Variants in DAB1 observed in about 807,000 individuals in gnomAD.
DAB1 encodes the protein disabled homolog 1.
DAB1 carries 15 observed loss-of-function variants against 64.6 expected under a neutral mutation model. That is an observed-to-expected ratio of 0.23 (90% CI 0.16 to 0.36). DAB1 has a LOEUF of 0.36. Ranked by LOEUF, DAB1 falls within the 10% of genes least tolerant of loss-of-function variation. The pLI, the probability that DAB1 is intolerant of heterozygous loss-of-function variation, is 1.00. For missense variants in DAB1, 596 were observed against 706.7 expected, an observed-to-expected ratio of 0.84 and a Z score of 1.78; for synonymous variants, 235 against 251.9, an observed-to-expected ratio of 0.93 and a Z score of 0.64.
chr1:57,316,459 A>G (rs1006552375), intron 1 of DAB1, among the ~76,000 whole-genome samples: 7 of 152,050 alleles, frequency 4.6e-5, no homozygotes, highest in Non-Finnish European at 8.8e-5. Flanking sequence ...TACCGGACAA[A>G]TGCCAGGCTA....
intron 6 of DAB1, among the ~76,000 whole-genome samples, chr1:57,705,503 T>C (rs1646956464): frequency 6.6e-6 from 1 of 152,148 alleles, no homozygotes; most frequent in South Asian, 2.1e-4. Context: ...CTCTTTTCTG[T>C]TGGATTAGGT....
intron 6 of DAB1, among the ~76,000 whole-genome samples, chr1:57,660,341 G>C (rs912919867): frequency 2.6e-5 from 4 of 152,168 alleles, no homozygotes; most frequent in Non-Finnish European, 5.9e-5. Context: ...TCTACTCTTA[G>C]TCAAAGGCTC....
intron 7 of DAB1, among the ~76,000 whole-genome samples, chr1:57,473,886 A>C (rs547083815): frequency 6.6e-6 from 1 of 152,292 alleles, no homozygotes; most frequent in Admixed American, 6.5e-5. Context: ...ATGTCTATTC[A>C]TTCTTAAAGA....
chr1:57,414,386 G>C (rs939249401), intron 1 of DAB1, among the ~76,000 whole-genome samples: 1 of 152,200 alleles, frequency 6.6e-6, no homozygotes, highest in African/African-American at 2.4e-5. Flanking sequence ...CTTGCTGAAG[G>C]CTCAGCTGAT....
intron 9 of DAB1, among the ~76,000 whole-genome samples, chr1:57,054,829 A>T (rs1225105357): frequency 2.0e-5 from 3 of 152,164 alleles, no homozygotes; most frequent in Admixed American, 6.5e-5. Flanking sequence ...CTGCCTAAAG[A>T]ACATGTCCAG....
chr1:57,815,907 T>TC (rs1475562595), intron 6 of DAB1, among the ~76,000 whole-genome samples: 1 of 152,220 alleles, frequency 6.6e-6, no homozygotes, highest in Non-Finnish European at 1.5e-5. Context: ...TTTTAATGTA[T>TC]CCTCCAGGCT....
At chr1:58,308,377 TG>T (rs1303378552) in intron 4 of DAB1, among the ~76,000 whole-genome samples, 1 of 152,020 alleles carries the variant, frequency 6.6e-6, no homozygotes, top group Non-Finnish European at 1.5e-5. Flanking sequence ...GGGATGAGTA[TG>T]GGGTTGGGGG....
intron 3 of DAB1, among the ~76,000 whole-genome samples, chr1:58,345,856 C>T (rs371574869): frequency 1.3e-5 from 2 of 152,136 alleles, no homozygotes; most frequent in South Asian, 2.1e-4. Flanking sequence ...CACCTCTGAC[C>T]TTAGGCTTCC....
At chr1:57,948,384 T>C (rs576941717) in intron 5 of DAB1, among the ~76,000 whole-genome samples, 4 of 152,382 alleles carry the variant, frequency 2.6e-5, no homozygotes, top group Non-Finnish European at 5.9e-5. Context: ...AAAATGTCTA[T>C]AGTATCTGTG....
chr1:58,307,469 A>G (rs1473192106), intron 4 of DAB1, among the ~76,000 whole-genome samples: 2 of 152,214 alleles, frequency 1.3e-5, no homozygotes. Context: ...GAGGACTGAT[A>G]TCTAACTCAG....
chr1:58,114,091 C>CA (rs530606878), intron 5 of DAB1, among the ~76,000 whole-genome samples: 1,599 of 109,940 alleles, frequency 0.015, 17 homozygotes, highest in Non-Finnish European at 0.016. Flanking sequence ...TACTAAAATA[C>CA]AAAAAAAAAA....
chr1:57,613,911 AG>A (rs1226647955), intron 7 of DAB1, among the ~76,000 whole-genome samples: 4 of 152,142 alleles, frequency 2.6e-5, no homozygotes, highest in Non-Finnish European at 5.9e-5. Flanking sequence ...TTGCTCTAGT[AG>A]AAAGGGGATA....
chr1:57,257,919 G>A (rs1205099937), intron 2 of DAB1, among the ~76,000 whole-genome samples: 1 of 152,110 alleles, frequency 6.6e-6, no homozygotes, highest in Non-Finnish European at 1.5e-5. Flanking sequence ...CATTTATTTA[G>A]GGCCTACCTG....
At chr1:57,187,272 T>C (rs1334002027) in intron 2 of DAB1, among the ~76,000 whole-genome samples, 4 of 152,174 alleles carry the variant, frequency 2.6e-5, no homozygotes, top group Non-Finnish European at 4.4e-5. Context: ...TAGGATCTCA[T>C]TGCATGATTT....
chr1:57,810,801 C>T (rs1651583011), intron 6 of DAB1, among the ~76,000 whole-genome samples: 1 of 152,216 alleles, frequency 6.6e-6, no homozygotes. Context: ...CTTTCTATTG[C>T]TGCTATAACA....
intron 2 of DAB1, among the ~76,000 whole-genome samples, chr1:57,285,447 A>C (rs566987405): frequency 1.3e-5 from 2 of 152,014 alleles, no homozygotes; most frequent in Admixed American, 1.3e-4. Flanking sequence ...GTATTTTTGT[A>C]TTTTTAGTAG....
chr1:57,264,446 C>G (rs1212501530), intron 2 of DAB1, among the ~76,000 whole-genome samples: 2 of 152,174 alleles, frequency 1.3e-5, no homozygotes, highest in African/African-American at 2.4e-5. Flanking sequence ...ATTCTGATAT[C>G]TTTCTAATCT....
At position 57,894,671 on chromosome 1, in the gene DAB1, A is replaced by C. The variant is rs560852145; in HGVS notation, n.388-10509T>G. On this transcript the variant is annotated intron_variant and non_coding_transcript_variant, in intron 5 of 20. Coordinates refer to the DAB1 transcript ENST00000485760. The stretch of plus-strand genomic sequence containing the variant: ...GAAAAAAAACTCGAAGGGTTTAAGC[A>C]GAAGTATCATATCTGATTTGCATTT... 9.8e-5 allele frequency among the ~76,000 whole-genome samples: 15 copies of C among 152,318 alleles called. No individual in the cohort carries two copies. In the East Asian group the frequency reaches 1.9e-3, roughly 20 times the overall value.
chr1:57,523,950 A>C (rs1299860034), intron 7 of DAB1, among the ~76,000 whole-genome samples: 1 of 152,096 alleles, frequency 6.6e-6, no homozygotes, highest in Non-Finnish European at 1.5e-5. Flanking sequence ...GAAACAAAAA[A>C]GGAACAATTA....
Sources: gnomAD v4.1 joint callset for allele counts (sites outside exome capture counted in the v4.1 genomes callset) on GRCh38, gnomAD v4.1.1 for gene constraint, MANE v1.5 for transcripts, NCBI Gene and HGNC (gene_info 2026-07-23, HGNC 2026-07-21) for gene names.